TCP10L: variants seen among roughly 807,000 people sequenced by gnomAD.
TCP10L encodes T-complex protein 10A homolog 1.
TCP10L carries 11 observed loss-of-function variants against 19.2 expected under a neutral mutation model. The ratio of observed to expected loss-of-function variants is 0.57; its 90% CI spans 0.36 to 0.95. The LOEUF (loss-of-function observed/expected upper bound fraction) is 0.95. Among genes scored for constraint, TCP10L ranks in the 40% least tolerant of loss-of-function variants. TCP10L has a pLI of 0.01. For synonymous variants in TCP10L, 96 were observed against 97.2 expected (o/e 0.99, Z 0.07); for missense variants, 247 against 263.9 (o/e 0.94, Z 0.44).
Position 32,576,327 on chromosome 21 carries a change from G to C in TCP10L, c.*447C>G. 1 of 1,513,720 alleles carries C rather than the reference G, an allele frequency of 6.6e-7. No homozygotes were observed. The highest frequency in any genetic ancestry group is 9.1e-7 in the Non-Finnish European group (1 of 1,103,810). 93.8% of individuals were successfully genotyped at this position (1,513,720 alleles called of 1,614,324 possible). ...TTCGGGAAGATGGATGCATAGCCTG[G>C]GGCAATGACAGTCACAGGCCCGCCT... On this transcript the variant is annotated 3_prime_UTR_variant, in exon 5 of 5. Transcript: ENST00000300258.
rs771606872 is a variant in TCP10L at position 32,576,806 on chromosome 21, T to G, written c.616A>C (p.Thr206Pro). 3.7e-6 allele frequency: 6 copies of G among 1,613,858 alleles called. No homozygotes were observed. Among genetic ancestry groups the G allele is most frequent in the Middle Eastern group, 3.3e-4 (2 of 6,082 alleles). Residue 206 changes from threonine to proline, a missense_variant, in exon 5 of 5, where the codon ACT becomes CCT. Coordinates refer to ENST00000300258, the MANE Select transcript of TCP10L (RefSeq NM_144659.7). ...CCCCCCCGTCTCTCTGCACAGGGAG[T>G]TGGCCTTCCAGTAGGTGTTGCTCTT... is the stretch of plus-strand genomic sequence containing the variant. ...DRRATPTGRP[T>P]PCAERRGGV
chr21:32,576,531 C>T lies in TCP10L; in HGVS notation c.*243G>A. On this transcript the variant is annotated 3_prime_UTR_variant, in exon 5 of 5. Coordinates refer to ENST00000300258, the MANE Select transcript of TCP10L (RefSeq NM_144659.7). ...CTGCAGAAATATACCAACTACAGAG[C>T]TCAGGAAAGCAACTGATTTATAAAA... is the stretch of plus-strand genomic sequence containing the variant. The T allele has an allele frequency of 1.6e-6, 1 of 607,862 alleles. No individual in the cohort carries two copies. Among genetic ancestry groups the T allele is most frequent in the Non-Finnish European group, 2.8e-6 (1 of 356,526 alleles). The allele number at this position is 607,862 out of a possible 1,614,324, so 37.7% of individuals were successfully genotyped here. A position where few individuals can be genotyped will look rare whatever the true frequency, so the allele number is the denominator to read the frequency against.
Position 32,581,435 on chromosome 21 carries a change from G to A in TCP10L, c.360+765C>T, listed in dbSNP as rs146348678. 7.4e-3 allele frequency among the ~76,000 whole-genome samples: 1,129 copies of A among 152,304 alleles called. 13 individuals are homozygous for A. Among genetic ancestry groups the A allele is most frequent in the African/African-American group, 0.024 (1,014 of 41,550 alleles). ...CCCTCTGTCCTTGTGATAAGGCAGA[G>A]GGTCTAATTGAGCTGATAAACACAA... On this transcript the variant is annotated intron_variant, in intron 3 of 4. Coordinates refer to ENST00000300258, the MANE Select transcript of TCP10L (RefSeq NM_144659.7).
At chr21:32,580,954 G>A (rs1395410089) in intron 3 of TCP10L, among the ~76,000 whole-genome samples, 1 of 152,212 alleles carries the variant, frequency 6.6e-6, no homozygotes, top group South Asian at 2.1e-4. Flanking sequence ...AGAAGAACGG[G>A]GTCCCTGGCT....
rs527355261 is a variant in TCP10L, at chr21:32,576,026, T to TG, written c.*747dup. On this transcript the variant is annotated 3_prime_UTR_variant, in exon 5 of 5. Transcript: ENST00000300258. ...GTGGGCTGTGTGTGGGGTGGAGGGCTGGGGGTGTTGGCAAGTCTCACAGGT... is the reference window on the plus strand; with the variant it reads ...GTGGGCTGTGTGTGGGGTGGAGGGCTGGGGGGTGTTGGCAAGTCTCACAGGT... 6.1e-4 allele frequency: 230 copies of TG among 374,994 alleles called. 4 individuals carry two copies. The East Asian group carries it at 8.6e-3, about 14-fold the overall frequency. 23.2% of individuals were successfully genotyped at this position (374,994 alleles called of 1,614,324 possible). A position where few individuals can be genotyped will look rare whatever the true frequency, so the allele number is the denominator to read the frequency against.
chr21:32,578,640 G>T lies in TCP10L; in HGVS notation c.498+54C>A. ...GGTGAGGAGCTGATGGGATGTGTGT[G>T]TTTGGGTACAGAACCTCTGCTTCTC... On this transcript the variant is annotated intron_variant, in intron 4 of 4. Coordinates refer to ENST00000300258, the MANE Select transcript of TCP10L (RefSeq NM_144659.7). This position sits in a 1 kb window ranked among gnomAD's most constrained non-coding sequence, Gnocchi z 4.2. The T allele has an allele frequency of 1.3e-6, 2 of 1,581,100 alleles. No homozygotes were observed. Among genetic ancestry groups the T allele is most frequent in the Non-Finnish European group, 1.7e-6 (2 of 1,164,414 alleles).
intron 3 of TCP10L, among the ~76,000 whole-genome samples, chr21:32,581,644 G>A (rs2038495925): frequency 6.6e-6 from 1 of 152,084 alleles, no homozygotes; most frequent in South Asian, 2.1e-4. Flanking sequence ...CACCCCCATC[G>A]CACACCCTGC....
chr21:32,580,323 G>C (rs1020295175), intron 3 of TCP10L, among the ~76,000 whole-genome samples: 1 of 151,976 alleles, frequency 6.6e-6, no homozygotes, highest in African/African-American at 2.4e-5. Context: ...AGCCAGGATG[G>C]TCTCAATCTC....
intron 3 of TCP10L, among the ~76,000 whole-genome samples, chr21:32,579,279 C>T (rs1382180245): frequency 6.6e-6 from 1 of 152,174 alleles, no homozygotes; most frequent in Non-Finnish European, 1.5e-5. Flanking sequence ...CAGGGTGATC[C>T]TTCAGGTGGG....
In TCP10L at chr21:32,576,908, T is replaced by C. The variant is rs778080129; in HGVS notation, c.514A>G (p.Ile172Val). ...GTTTTCCACGAGCTAATTCTTTCTA[T>C]CTTTAAACTCATTGGCTGAAAACAA... The part of the protein sequence containing the change: ...SAPPKPMSLK[I>V]ERISSWKTPP... Residue 172 changes from isoleucine to valine, a missense_variant, in exon 5 of 5, where the codon ATA (isoleucine) becomes GTA (valine). By Grantham distance (29) the Ile-to-Val change is conservative (BLOSUM62 3). Transcript: ENST00000300258. 1 of 1,611,032 alleles carries C rather than the reference T, an allele frequency of 6.2e-7. No individual in the cohort carries two copies. Among genetic ancestry groups the C allele is most frequent in the Non-Finnish European group, 8.5e-7 (1 of 1,179,364 alleles).
In TCP10L at chr21:32,575,016, T is replaced by C. The variant is rs949197160; in HGVS notation, c.*1758A>G. On this transcript the variant is annotated 3_prime_UTR_variant, in exon 5 of 5. Transcript: ENST00000300258. ...AAAGCCGAATCCCTGTGACACTGGC[T>C]TACGGGACCTATGAAGGGCCACGGG... is the stretch of plus-strand genomic sequence containing the variant. The C allele has an allele frequency of 1.3e-5, 2 of 152,176 alleles. No individual in the cohort carries two copies. The highest frequency in any genetic ancestry group is 4.8e-5 in the African/African-American group (2 of 41,442). 9.4% of individuals were successfully genotyped at this position (152,176 alleles called of 1,614,324 possible).
intron 2 of TCP10L, 106 bp downstream of exon 2, chr21:32,584,055 A>C: frequency 6.9e-7 from 1 of 1,446,820 alleles, no homozygotes; most frequent in Non-Finnish European, 9.2e-7. Flanking sequence ...GGGGTGGTGC[A>C]TTCCTACAGG....
chr21:32,579,193 T>G (rs1246498324), intron 3 of TCP10L, among the ~76,000 whole-genome samples: 1 of 152,230 alleles, frequency 6.6e-6, no homozygotes, highest in Non-Finnish European at 1.5e-5. Context: ...CTACTTCTAG[T>G]GTTGTCTCTA....
chr21:32,578,596 C>T lies in TCP10L; in HGVS notation c.498+98G>A, dbSNP rs2038459756. 6.6e-7 allele frequency: 1 copy of T among 1,512,080 alleles called. No homozygotes were observed. The highest frequency in any genetic ancestry group is 8.9e-7 in the Non-Finnish European group (1 of 1,122,104). 93.7% of individuals were successfully genotyped at this position (1,512,080 alleles called of 1,614,324 possible). A position where few individuals can be genotyped will look rare whatever the true frequency, so the allele number is the denominator to read the frequency against. Reference sequence around the variant, plus strand: ...GACTCCAGGGAGCACCATGCTCACCCAGGGAGGTGAAATTGTGTGGTGAGG... The same window carrying T: ...GACTCCAGGGAGCACCATGCTCACCTAGGGAGGTGAAATTGTGTGGTGAGG... On this transcript the variant is annotated intron_variant, in intron 4 of 4. Coordinates refer to ENST00000300258, the MANE Select transcript of TCP10L (RefSeq NM_144659.7). The surrounding 1 kb of genome is among the most constrained non-coding windows in gnomAD (Gnocchi z 4.2).
At chr21:32,583,987 T>TTG (rs1392521154) in intron 2 of TCP10L, among the ~76,000 whole-genome samples, 174 bp downstream of exon 2, 8 of 151,726 alleles carry the variant, frequency 5.3e-5, no homozygotes, top group Non-Finnish European at 1.2e-4. Flanking sequence ...AGAGATACGG[T>TTG]TGCAGAGGGG....
Position 32,576,822 on chromosome 21 carries a change from T to C in TCP10L, c.600A>G (p.Thr200=), listed in dbSNP as rs2038440623. 6.2e-7 allele frequency: 1 copy of C among 1,613,994 alleles called. No homozygotes were observed. Among genetic ancestry groups the C allele is most frequent in the Non-Finnish European group, 8.5e-7 (1 of 1,180,028 alleles). The part of the protein sequence containing the change: ...LSRRRQDRRA[T]PTGRPTPCAE... Reference sequence around the variant, plus strand: ...CACAGGGAGTTGGCCTTCCAGTAGGTGTTGCTCTTCTGTCTTGACGTCTCC... The same window carrying C: ...CACAGGGAGTTGGCCTTCCAGTAGGCGTTGCTCTTCTGTCTTGACGTCTCC... Residue 200 remains threonine (T), a synonymous_variant, in exon 5 of 5, where the codon ACA becomes ACG. Coordinates refer to ENST00000300258, the MANE Select transcript of TCP10L (RefSeq NM_144659.7).
chr21:32,580,167 G>A (rs2038476327), intron 3 of TCP10L, among the ~76,000 whole-genome samples: 2 of 151,944 alleles, frequency 1.3e-5, no homozygotes, highest in Admixed American at 6.6e-5. Flanking sequence ...GTGCAGTGGC[G>A]CGATCTCGGC....
At position 32,578,900 on chromosome 21, in the gene TCP10L, T is replaced by A; in HGVS notation, c.361-69A>T. On this transcript the variant is annotated intron_variant, in intron 3 of 4. Coordinates refer to ENST00000300258, the MANE Select transcript of TCP10L (RefSeq NM_144659.7). This position sits in a 1 kb window ranked among gnomAD's most constrained non-coding sequence, Gnocchi z 4.2. ...AAAATAAATTCAAATTTTAATACAA[T>A]GAAGAATAATTGGAATGTCCTAGAA... 3.7e-6 allele frequency: 6 copies of A among 1,608,960 alleles called. No individual in the cohort carries two copies. Among genetic ancestry groups the A allele is most frequent in the Non-Finnish European group, 4.2e-6 (5 of 1,177,408 alleles).
chr21:32,579,011 T>C (rs545813547), intron 3 of TCP10L, among the ~76,000 whole-genome samples, 180 bp from the exon 4 acceptor site: 7 of 152,358 alleles, frequency 4.6e-5, no homozygotes, highest in African/African-American at 1.7e-4. Flanking sequence ...CAAGCGTTTG[T>C]GAAGGAACCT....
Sources: gnomAD v4.1 joint callset for allele counts (sites outside exome capture counted in the v4.1 genomes callset) on GRCh38, gnomAD v4.1.1 for gene constraint, Gnocchi (gnomAD v3.1) non-coding constraint, MANE v1.5 for transcripts, NCBI Gene and HGNC (gene_info 2026-07-23, HGNC 2026-07-21) for gene names.